Variants in TBC1D9 observed in about 807,000 individuals in gnomAD.
TBC1D9 encodes TBC1 domain family member 9A.
A neutral mutation model predicts 132.0 loss-of-function variants in TBC1D9; 63 were observed. The observed-to-expected ratio is 0.48, with a 90% confidence interval of 0.39 to 0.59. The LOEUF (loss-of-function observed/expected upper bound fraction) is 0.59. Ranked by LOEUF, TBC1D9 falls within the 20% of genes least tolerant of loss-of-function variation. The pLI, the probability that TBC1D9 is intolerant of heterozygous loss-of-function variation, is 0.00. For synonymous variants in TBC1D9, 610 were observed against 609.9 expected (o/e 1.00, Z 0.00); for missense variants, 1,261 against 1,592.7 (o/e 0.79, Z 3.54).
At chr4:140,710,742 T>TGGTCTGAGGAA (rs1738230200) in intron 1 of TBC1D9, among the ~76,000 whole-genome samples, 1 of 151,356 alleles carries the variant, frequency 6.6e-6, no homozygotes, top group South Asian at 2.1e-4. Context: ...GGTGGGGGGG[T>TGGTCTGAGGAA]GGTCTGAGGA....
chr4:140,677,608 T>C (rs1378737982), intron 5 of TBC1D9, among the ~76,000 whole-genome samples: 1 of 152,136 alleles, frequency 6.6e-6, no homozygotes, highest in African/African-American at 2.4e-5. Context: ...AGCTGGGTCT[T>C]CTGTTAACTA....
At chr4:140,644,848 A>G in intron 13 of TBC1D9, 1 of 426,620 alleles carries the variant, frequency 2.3e-6, no homozygotes. Context: ...GGGAATGACC[A>G]ACAGCTGGCC....
chr4:140,680,266 C>T (rs6813209), intron 3 of TBC1D9, among the ~76,000 whole-genome samples: 100,642 of 151,986 alleles, frequency 0.66, 33,390 homozygotes, highest in Non-Finnish European at 0.67. Flanking sequence ...CACATGTCAC[C>T]AACTGACACT....
At chr4:140,736,533 G>A (rs1209143165) in intron 1 of TBC1D9, among the ~76,000 whole-genome samples, 2 of 151,956 alleles carry the variant, frequency 1.3e-5, no homozygotes, top group Admixed American at 6.6e-5. Context: ...GAGTGAGACT[G>A]TATCTCAAAA....
Position 140,754,614 on chromosome 4 carries a change from C to CAAAAAAAA in TBC1D9, c.130+1294_130+1301dup, listed in dbSNP as rs34471976. ...TGGGCGACAAAGCAGGACTCTGTCT[C>CAAAAAAAA]AAAAAAAAAAAAAAAAAAAAAAAAA... On this transcript the variant is annotated intron_variant, in intron 1 of 20. Coordinates refer to ENST00000442267, the MANE Select transcript of TBC1D9 (RefSeq NM_015130.3). Among the ~76,000 whole-genome samples, 8 of 23,264 alleles carry CAAAAAAAA rather than the reference C, an allele frequency of 3.4e-4. 1 individual carries two copies. The highest frequency in any genetic ancestry group is 1.2e-3 in the East Asian group (1 of 856). 15.3% of individuals were successfully genotyped at this position (23,264 alleles called of 152,430 possible).
intron 13 of TBC1D9, among the ~76,000 whole-genome samples, chr4:140,649,591 G>A (rs1401114637): frequency 6.6e-6 from 1 of 152,190 alleles, no homozygotes; most frequent in Non-Finnish European, 1.5e-5. Flanking sequence ...CAAGAGACGA[G>A]AGAGGGATTC....
chr4:140,751,621 A>C (rs1261057536), intron 1 of TBC1D9, among the ~76,000 whole-genome samples: 2 of 152,242 alleles, frequency 1.3e-5, no homozygotes, highest in Non-Finnish European at 2.9e-5. Flanking sequence ...AATTTTAAAA[A>C]TTAAGAATCT....
chr4:140,754,166 G>C (rs1172545271), intron 1 of TBC1D9, among the ~76,000 whole-genome samples: 1 of 152,162 alleles, frequency 6.6e-6, no homozygotes, highest in Non-Finnish European at 1.5e-5. Flanking sequence ...AGAAAAAGAA[G>C]GCTCTGAATC....
intron 13 of TBC1D9, among the ~76,000 whole-genome samples, chr4:140,646,375 C>T (rs944521111): frequency 6.6e-6 from 1 of 152,154 alleles, no homozygotes; most frequent in Admixed American, 6.5e-5. Context: ...AGTAGGCACC[C>T]AATAACTGGC....
chr4:140,679,534 A>G, intron 4 of TBC1D9, 81 bp downstream of exon 4: 1 of 967,482 alleles, frequency 1.0e-6, no homozygotes, highest in South Asian at 1.7e-5. Flanking sequence ...TTTATTTCTG[A>G]TATTTTGATG....
At chr4:140,644,044 CG>C in intron 13 of TBC1D9, 1 of 452,522 alleles carries the variant, frequency 2.2e-6, no homozygotes, top group Non-Finnish European at 4.2e-6. Context: ...AGCTTGTCTT[CG>C]GGCGAGAGTG....
chr4:140,676,229 T>C (rs533508043), intron 6 of TBC1D9, among the ~76,000 whole-genome samples: 9 of 152,340 alleles, frequency 5.9e-5, no homozygotes, highest in Admixed American at 1.3e-4. Flanking sequence ...CCTCTGACCA[T>C]GGTGCTTCCA....
At chr4:140,671,674 C>CTCTGTGTGTGTGTGTG (rs1361183971) in intron 6 of TBC1D9, among the ~76,000 whole-genome samples, 1 of 141,722 alleles carries the variant, frequency 7.1e-6, no homozygotes, top group African/African-American at 2.8e-5. Flanking sequence ...AACTACCAGA[C>CTCTGTGTGTGTGTGTG]TGTGTGTGTG....
rs1188321244 is a variant in TBC1D9, at chr4:140,701,624, G to C, written c.131-10C>G. ...GTACCCACCAGCAGGCCTGAGGGTG[G>C]AAAGTGGGGAGAAACAGGTAAGAAT... On this transcript the variant is annotated splice_polypyrimidine_tract_variant and intron_variant, in intron 1 of 20. Coordinates refer to ENST00000442267, the MANE Select transcript of TBC1D9 (RefSeq NM_015130.3). The C allele has an allele frequency of 3.1e-6, 5 of 1,608,806 alleles. No individual in the cohort carries two copies. In the South Asian group the frequency reaches 5.5e-5, roughly 18 times the overall value.
At chr4:140,687,131 A>G (rs1737792176) in intron 2 of TBC1D9, among the ~76,000 whole-genome samples, 1 of 151,562 alleles carries the variant, frequency 6.6e-6, no homozygotes, top group Non-Finnish European at 1.5e-5. Context: ...AAACTTAAAC[A>G]ATCAGCTTTA....
At chr4:140,625,088 C>T (rs1340960215) in intron 18 of TBC1D9, among the ~76,000 whole-genome samples, 1 of 152,042 alleles carries the variant, frequency 6.6e-6, no homozygotes, top group Non-Finnish European at 1.5e-5. Context: ...TGCCACATAG[C>T]CTTTAGTACT....
intron 1 of TBC1D9, among the ~76,000 whole-genome samples, chr4:140,721,916 G>A (rs1398270039): frequency 1.3e-5 from 2 of 152,058 alleles, no homozygotes; most frequent in African/African-American, 4.8e-5. Context: ...TCTCGGCCTA[G>A]ACCTTAACCA....
chr4:140,657,503 T>C (rs776242336), intron 12 of TBC1D9, 24 bp downstream of exon 12: 11 of 1,584,990 alleles, frequency 6.9e-6, no homozygotes, highest in Admixed American at 1.8e-5. Flanking sequence ...GAGATGGTTT[T>C]CAAAGTTAGG....
chr4:140,678,821 A>G (rs1737663106), intron 5 of TBC1D9, 121 bp downstream of exon 5: 1 of 1,234,952 alleles, frequency 8.1e-7, no homozygotes, highest in South Asian at 1.5e-5. Context: ...TTAGTTTTGT[A>G]TCTATACACA....
Sources: gnomAD v4.1 joint callset for allele counts (sites outside exome capture counted in the v4.1 genomes callset) on GRCh38, gnomAD v4.1.1 for gene constraint, MANE v1.5 for transcripts, NCBI Gene and HGNC (gene_info 2026-07-23, HGNC 2026-07-21) for gene names.